SETD2: variants seen among roughly 807,000 people sequenced by gnomAD.
SETD2 encodes SET domain containing 2, histone lysine methyltransferase, also known as histone-lysine N-methyltransferase SETD2.
In SETD2, 31 loss-of-function variants were observed where a neutral mutation model predicts 242.1. That is an observed-to-expected ratio of 0.13 (90% confidence interval 0.10 to 0.17). SETD2 has a LOEUF of 0.17. Ranked by LOEUF, SETD2 falls within the 10% of genes least tolerant of loss-of-function variation. The pLI, the probability that SETD2 is intolerant of heterozygous loss-of-function variation, is 1.00. For missense variants in SETD2, 2,481 were observed against 3,046.3 expected (o/e 0.81, Z 4.37); for synonymous variants, 1,006 against 1,066.5 (o/e 0.94, Z 1.11).
intron 18 of SETD2, among the ~76,000 whole-genome samples, chr3:47,024,483 T>C (rs764173851): frequency 1.5e-4 from 22 of 148,376 alleles, no homozygotes; most frequent in Admixed American, 8.7e-4. Flanking sequence ...AATAAACAAA[T>C]AAACAAACAA....
At chr3:47,054,232 AG>A (rs1181311929) in intron 15 of SETD2, among the ~76,000 whole-genome samples, 1 of 152,214 alleles carries the variant, frequency 6.6e-6, no homozygotes, top group Admixed American at 6.5e-5. Flanking sequence ...AAAGACTAGA[AG>A]CAAGTAAATT....
chr3:47,137,880 G>A (rs2043626518), intron 1 of SETD2, among the ~76,000 whole-genome samples: 2 of 152,076 alleles, frequency 1.3e-5, no homozygotes, highest in South Asian at 4.2e-4. Context: ...GTAGAGATGG[G>A]GTTTTGCCAA....
At chr3:47,145,888 C>T (rs2043838344) in intron 1 of SETD2, among the ~76,000 whole-genome samples, 1 of 151,794 alleles carries the variant, frequency 6.6e-6, no homozygotes. Context: ...TAGTGGCTTA[C>T]ATCTATAGTC....
At position 47,033,179 on chromosome 3, in the gene SETD2, G is replaced by A. The variant is rs138488947; in HGVS notation, c.7350+4487C>T. Reference sequence around the variant, plus strand: ...TTATGATGCCTATGTTCCCATACAAGTAAACAGAGCTATTCCCCAAACATA... The same window carrying A: ...TTATGATGCCTATGTTCCCATACAAATAAACAGAGCTATTCCCCAAACATA... On this transcript the variant is annotated intron_variant, in intron 18 of 20. Transcript: ENST00000409792. Among the ~76,000 whole-genome samples, 5 of 152,254 alleles carry A rather than the reference G, an allele frequency of 3.3e-5. No homozygotes were observed. The East Asian group carries it at 9.6e-4, about 29-fold the overall frequency.
intron 8 of SETD2, 41 bp from the exon 9 acceptor site, chr3:47,098,122 T>C: frequency 6.2e-7 from 1 of 1,609,410 alleles, no homozygotes; most frequent in Non-Finnish European, 8.5e-7. Flanking sequence ...TATGTGGAAG[T>C]AAACCATACA....
At chr3:47,102,772 C>CAAAAAA (rs5848821) in intron 7 of SETD2, among the ~76,000 whole-genome samples, 6 of 97,932 alleles carry the variant, frequency 6.1e-5, no homozygotes, top group Non-Finnish European at 7.8e-5. Context: ...CCAGCCTGGG[C>CAAAAAA]AAAAAAAAAA....
Position 47,163,970 on chromosome 3 carries a change from G to A in SETD2, c.-46C>T. The A allele has an allele frequency of 2.4e-6, 3 of 1,263,236 alleles. No homozygotes were observed. Among genetic ancestry groups the A allele is most frequent in the Admixed American group, 3.9e-5 (1 of 25,830 alleles). 78.3% of individuals were successfully genotyped at this position (1,263,236 alleles called of 1,614,324 possible). On this transcript the variant is annotated 5_prime_UTR_variant, in exon 1 of 21. Coordinates refer to ENST00000409792, the MANE Select transcript of SETD2 (RefSeq NM_014159.7). ...GACGCGAGCCCCCTCCCCGCAGCAGGGCGACGCGGGGGAGGGGAGGGGAGG... is the reference window on the plus strand; with the variant it reads ...GACGCGAGCCCCCTCCCCGCAGCAGAGCGACGCGGGGGAGGGGAGGGGAGG...
chr3:47,071,656 A>G (rs2040824477), intron 12 of SETD2, among the ~76,000 whole-genome samples: 1 of 151,996 alleles, frequency 6.6e-6, no homozygotes, highest in South Asian at 2.1e-4. Context: ...ACTGCTGGAG[A>G]TTGCCCAGAC....
intron 15 of SETD2, among the ~76,000 whole-genome samples, chr3:47,055,533 C>A (rs774744392): frequency 1.3e-5 from 2 of 151,280 alleles, no homozygotes; most frequent in Non-Finnish European, 2.9e-5. Context: ...ACAGTGAGAC[C>A]GCATCTCTTA....
intron 18 of SETD2, among the ~76,000 whole-genome samples, chr3:47,033,442 G>A (rs1324252403): frequency 2.0e-5 from 3 of 152,138 alleles, no homozygotes; most frequent in African/African-American, 7.2e-5. Context: ...GTGTAGGCAG[G>A]GACAGGCTTG....
In SETD2 at chr3:47,127,418, C is replaced by G. The variant is rs1407546088; in HGVS notation, c.72-755G>C. ...AATACATTTGTGAGAAGATCCCAGG[C>G]AGAGTCAGAGATTAACACATAAAAT... is the stretch of plus-strand genomic sequence containing the variant. On this transcript the variant is annotated intron_variant, in intron 1 of 20. Coordinates refer to ENST00000409792, the MANE Select transcript of SETD2 (RefSeq NM_014159.7). 1.4e-5 allele frequency: 3 copies of G among 215,028 alleles called. 1 individual carries two copies. Among genetic ancestry groups the G allele is most frequent in the South Asian group, 9.7e-5 (2 of 20,624 alleles). The allele number at this position is 215,028 out of a possible 1,614,324, so 13.3% of individuals were successfully genotyped here.
rs752933452 is a variant in SETD2, at chr3:47,042,710, A to G, written c.7099-10T>C. 6.3e-7 allele frequency: 1 copy of G among 1,589,080 alleles called. No individual in the cohort carries two copies. The highest frequency in any genetic ancestry group is 1.2e-5 in the South Asian group (1 of 86,804). Reference sequence around the variant, plus strand: ...TCACAACCATTTCAGACTACAAAGAAAACACACACATTTTTGATCAGTGAT... The same window carrying G: ...TCACAACCATTTCAGACTACAAAGAGAACACACACATTTTTGATCAGTGAT... On this transcript the variant is annotated splice_polypyrimidine_tract_variant and intron_variant, in intron 16 of 20. Transcript: ENST00000409792.
intron 1 of SETD2, among the ~76,000 whole-genome samples, chr3:47,141,866 AT>A (rs558856503): frequency 2.0e-4 from 30 of 151,394 alleles, no homozygotes; most frequent in Non-Finnish European, 2.9e-4. Context: ...GAGTTTAAGC[AT>A]TTTTTTTTCA....
At chr3:47,105,528 T>C in intron 6 of SETD2, 2 of 234,172 alleles carry the variant, frequency 8.5e-6, no homozygotes, top group South Asian at 8.2e-5. Context: ...CTTCCATGTT[T>C]TTATTTTCTA....
intron 4 of SETD2, among the ~76,000 whole-genome samples, chr3:47,114,736 G>A (rs553989998): frequency 9.9e-5 from 15 of 151,926 alleles, no homozygotes; most frequent in East Asian, 3.9e-4. Context: ...AAAATTAGCC[G>A]GGCATGATGG....
intron 18 of SETD2, among the ~76,000 whole-genome samples, chr3:47,021,103 A>C: frequency 6.6e-6 from 1 of 152,206 alleles, no homozygotes; most frequent in East Asian, 1.9e-4. Flanking sequence ...TCTATTTTCA[A>C]GTGTTTTGCT....
In SETD2 at chr3:47,107,734, G is replaced by C. The variant is rs868114730; in HGVS notation, c.4716-1614C>G. ...ACTTTGGGTGGCGGGGGGGGGTGGG[G>C]GGGGGGTGGCAGGATTGCTTTGGCC... On this transcript the variant is annotated intron_variant, in intron 5 of 20. Coordinates refer to ENST00000409792, the MANE Select transcript of SETD2 (RefSeq NM_014159.7). Among the ~76,000 whole-genome samples the C allele has an allele frequency of 5.9e-4, 56 of 95,514 alleles. 2 individuals carry two copies. Among genetic ancestry groups the C allele is most frequent in the African/African-American group, 2.5e-3 (49 of 19,412 alleles). 62.7% of individuals were successfully genotyped at this position (95,514 alleles called of 152,430 possible). A position where few individuals can be genotyped will look rare whatever the true frequency, so the allele number is the denominator to read the frequency against.
chr3:47,106,493 T>TTAAAAAAAAAAAAAAAAAAA (rs1309150228), intron 5 of SETD2, among the ~76,000 whole-genome samples: 1 of 57,260 alleles, frequency 1.7e-5, no homozygotes, highest in African/African-American at 6.7e-5. Context: ...ATTTTTGCTC[T>TTAAAAAAAAAAAAAAAAAAA]AAAAAAAAAA....
At chr3:47,108,650 C>T (rs1020613584) in intron 5 of SETD2, among the ~76,000 whole-genome samples, 3 of 152,126 alleles carry the variant, frequency 2.0e-5, no homozygotes, top group Non-Finnish European at 4.4e-5. Context: ...AGTAGAGACC[C>T]CACATCAGGA....
Sources: allele counts gnomAD v4.1 joint callset (sites outside exome capture counted in the v4.1 genomes callset), GRCh38; gene constraint gnomAD v4.1.1; transcripts MANE v1.5; gene names NCBI Gene and HGNC (gene_info 2026-07-23, HGNC 2026-07-21).